The following PHF2 variants were observed in gnomAD, a reference collection of about 807,000 sequenced individuals.
PHF2 encodes the protein PHD finger protein 2.
PHF2 carries 27 observed loss-of-function variants against 120.5 expected under a neutral mutation model. The observed-to-expected ratio is 0.22, with a 90% CI of 0.17 to 0.31. The LOEUF is 0.31. PHF2 is among the 10% of genes least tolerant of loss of function. The pLI is 1.00. For synonymous variants in PHF2, 568 were observed against 592.5 expected, an observed-to-expected ratio of 0.96 and a Z score of 0.60; for missense variants, 1,024 against 1,434.8, an observed-to-expected ratio of 0.71 and a Z score of 4.63.
intron 11 of PHF2, 46 bp downstream of exon 11, chr9:93,659,646 A>T (rs1001891586): frequency 6.4e-7 from 1 of 1,552,530 alleles, no homozygotes; most frequent in African/African-American, 1.4e-5. Flanking sequence ...GGGATTGGGG[A>T]GGGCCCACCT....
intron 14 of PHF2, 44 bp from the exon 15 acceptor site, chr9:93,665,640 CTG>C (rs1564400700): frequency 6.3e-7 from 1 of 1,596,948 alleles, no homozygotes; most frequent in Admixed American, 1.7e-5. Flanking sequence ...TGTCCGCTGG[CTG>C]TGGGGCTATG....
intron 1 of PHF2, among the ~76,000 whole-genome samples, chr9:93,593,104 A>AGG (rs1564373942): frequency 5.3e-5 from 1 of 18,960 alleles, no homozygotes; most frequent in Non-Finnish European, 1.4e-4. Flanking sequence ...AAAAAAAAAA[A>AGG]AAAAAAAGAA....
At chr9:93,618,835 G>GCATGTTT in intron 1 of PHF2, among the ~76,000 whole-genome samples, 1 of 137,964 alleles carries the variant, frequency 7.2e-6, no homozygotes, top group East Asian at 2.2e-4. Flanking sequence ...TGATGTGTGT[G>GCATGTTT]GTGTGTGTGT....
intron 9 of PHF2, 144 bp from the exon 10 acceptor site, chr9:93,658,000 GT>G: frequency 1.6e-6 from 1 of 611,928 alleles, no homozygotes; most frequent in Non-Finnish European, 2.9e-6. Flanking sequence ...AAGAGGAACT[GT>G]TGGCAGTTGA....
chr9:93,677,537 T>C lies in PHF2; in HGVS notation c.3203-51T>C. 1.4e-6 allele frequency: 2 copies of C among 1,418,040 alleles called. No homozygotes were observed. The highest frequency in any genetic ancestry group is 1.4e-5 in the African/African-American group (1 of 71,106). 87.8% of individuals were successfully genotyped at this position (1,418,040 alleles called of 1,614,324 possible). ...CCCCCCCACCGGCATGCCACGCCCC[T>C]TGCCATCTAGCTTACCTTCCCTTTT... On this transcript the variant is annotated intron_variant, in intron 21 of 21. Coordinates refer to ENST00000359246, the MANE Select transcript of PHF2 (RefSeq NM_005392.4). The surrounding 1 kb of genome is among the most constrained non-coding windows in gnomAD (Gnocchi z 4.4).
At chr9:93,643,567 A>T (rs1003941413) in intron 3 of PHF2, among the ~76,000 whole-genome samples, 1 of 152,200 alleles carries the variant, frequency 6.6e-6, no homozygotes, top group Non-Finnish European at 1.5e-5. Context: ...AAAATTAGGC[A>T]TTGCAGCCCT....
At chr9:93,669,934 C>T (rs946309576) in intron 17 of PHF2, among the ~76,000 whole-genome samples, 2 of 152,218 alleles carry the variant, frequency 1.3e-5, no homozygotes, top group Non-Finnish European at 2.9e-5. Flanking sequence ...GGGTGGCCCG[C>T]CTGCCACTGT....
chr9:93,651,620 C>T (rs1472028351), intron 5 of PHF2, among the ~76,000 whole-genome samples: 3 of 152,140 alleles, frequency 2.0e-5, no homozygotes, highest in Non-Finnish European at 4.4e-5. Flanking sequence ...CAATGTACCC[C>T]CAGACCGGAG....
intron 1 of PHF2, among the ~76,000 whole-genome samples, chr9:93,611,041 A>G (rs1296368245): frequency 6.6e-6 from 1 of 152,238 alleles, no homozygotes; most frequent in Non-Finnish European, 1.5e-5. Flanking sequence ...GCCTGCTTCT[A>G]GCAACTTTCT....
chr9:93,644,065 G>A (rs112417547), intron 3 of PHF2, among the ~76,000 whole-genome samples: 4,008 of 152,184 alleles, frequency 0.026, 183 homozygotes, highest in African/African-American at 0.093. Context: ...TGGACAACCC[G>A]CAGACTACAC....
intron 1 of PHF2, among the ~76,000 whole-genome samples, chr9:93,596,822 A>C (rs10992794): frequency 0.27 from 40,524 of 151,250 alleles, 6,087 homozygotes; most frequent in South Asian, 0.59. Context: ...GCAATGGTGC[A>C]ATCTTGGCTT....
At chr9:93,610,265 A>G (rs1275210821) in intron 1 of PHF2, among the ~76,000 whole-genome samples, 1 of 151,944 alleles carries the variant, frequency 6.6e-6, no homozygotes, top group African/African-American at 2.4e-5. Context: ...ATTAACCCAT[A>G]GTTCTTGAAT....
At chr9:93,665,627 A>G (rs1403830362) in intron 14 of PHF2, 59 bp from the exon 15 acceptor site, 3 of 1,580,130 alleles carry the variant, frequency 1.9e-6, no homozygotes, top group East Asian at 2.3e-5. Context: ...GGGAGGTCCT[A>G]CCTGTCCGCT....
At chr9:93,595,400 A>G (rs923420376) in intron 1 of PHF2, among the ~76,000 whole-genome samples, 2 of 152,254 alleles carry the variant, frequency 1.3e-5, no homozygotes, top group Non-Finnish European at 2.9e-5. Flanking sequence ...GCCTGACGCT[A>G]CAATATGAGG....
At position 93,638,389 on chromosome 9, in the gene PHF2, T is replaced by C. The variant is rs1826125045; in HGVS notation, c.299+1864T>C. ...GAAGATTTATTGATATATTTTCTTCTAAGAGTTTTGTAGTTTTAGCACATA... is the reference window on the plus strand; with the variant it reads ...GAAGATTTATTGATATATTTTCTTCCAAGAGTTTTGTAGTTTTAGCACATA... On this transcript the variant is annotated intron_variant, in intron 3 of 21. Transcript: ENST00000359246. Among the ~76,000 whole-genome samples, 7 of 152,254 alleles carry C rather than the reference T, an allele frequency of 4.6e-5. No individual in the cohort carries two copies. The South Asian group carries it at 1.4e-3, about 31-fold the overall frequency.
chr9:93,600,385 T>A (rs1468731266), intron 1 of PHF2, among the ~76,000 whole-genome samples: 2 of 152,160 alleles, frequency 1.3e-5, no homozygotes, highest in Non-Finnish European at 2.9e-5. Flanking sequence ...GTCTTTGTGA[T>A]CTCCCAGTCC....
chr9:93,616,897 C>T lies in PHF2; in HGVS notation c.99-13073C>T, dbSNP rs193045297. Among the ~76,000 whole-genome samples, 9 of 152,234 alleles carry T rather than the reference C, an allele frequency of 5.9e-5. 1 individual carries two copies. In the East Asian group the frequency reaches 1.7e-3, roughly 29 times the overall value. On this transcript the variant is annotated intron_variant, in intron 1 of 21. Transcript: ENST00000359246. ...TCTTGAACTCCTGACCTCAGGTGAT[C>T]CACCCACCTCGGCCTCCCAAAGTAC...
At chr9:93,653,087 T>C (rs1314128286) in intron 5 of PHF2, 92 bp from the exon 6 acceptor site, 1 of 1,205,038 alleles carries the variant, frequency 8.3e-7, no homozygotes, top group African/African-American at 1.5e-5. Flanking sequence ...TGAGAGAGCG[T>C]GGGACATGCC....
rs1489225989 is a variant in PHF2, at chr9:93,576,636, C to G, written c.-138C>G. The stretch of plus-strand genomic sequence containing the variant: ...GCGCGCGGGGGCTGTCGTGCGCCCC[C>G]GTCCCCGTCCCCTCCCGGCCGCGGC... On this transcript the variant is annotated 5_prime_UTR_variant, in exon 1 of 22. Coordinates refer to ENST00000359246, the MANE Select transcript of PHF2 (RefSeq NM_005392.4). 2 of 148,818 alleles carry G rather than the reference C, an allele frequency of 1.3e-5. No homozygotes were observed. Among genetic ancestry groups the G allele is most frequent in the East Asian group, 4.2e-4 (2 of 4,816 alleles). The allele number at this position is 148,818 out of a possible 1,614,324, so 9.2% of individuals were successfully genotyped here.
Sources: allele counts gnomAD v4.1 joint callset (sites outside exome capture counted in the v4.1 genomes callset), GRCh38; gene constraint gnomAD v4.1.1; non-coding constraint Gnocchi (gnomAD v3.1); transcripts MANE v1.5; gene names NCBI Gene and HGNC (gene_info 2026-07-23, HGNC 2026-07-21).